FGF12: variants seen among roughly 807,000 people sequenced by gnomAD.
FGF12 encodes fibroblast growth factor 12.
In FGF12, 14 loss-of-function variants were observed where a neutral mutation model predicts 23.6. The observed-to-expected ratio is 0.59, with a 90% CI of 0.39 to 0.93. The LOEUF is 0.93. Among genes scored for constraint, FGF12 ranks in the 40% least tolerant of loss-of-function variants. The probability of loss-of-function intolerance (pLI) is 0.00; values close to 1 mark genes in which losing one functional copy is unlikely to be tolerated. For missense variants in FGF12, 175 were observed against 217.8 expected (o/e 0.80, Z 1.24); for synonymous variants, 62 against 77.3 (o/e 0.80, Z 1.04).
chr3:192,686,400 T>C (rs971201149), intron 2 of FGF12, among the ~76,000 whole-genome samples: 1 of 152,076 alleles, frequency 6.6e-6, no homozygotes, highest in Non-Finnish European at 1.5e-5. Flanking sequence ...CTGAAGTCAA[T>C]GGAAGACATC....
chr3:192,645,340 T>C (rs562519009), intron 2 of FGF12, among the ~76,000 whole-genome samples: 1 of 152,216 alleles, frequency 6.6e-6, no homozygotes, highest in South Asian at 2.1e-4. Flanking sequence ...ATGGTGGAAA[T>C]AAAAACATAT....
At chr3:192,295,993 C>T (rs1715007576) in intron 4 of FGF12, among the ~76,000 whole-genome samples, 1 of 151,486 alleles carries the variant, frequency 6.6e-6, no homozygotes, top group South Asian at 2.1e-4. Flanking sequence ...GCGATCCTCC[C>T]ACCTCAGCCT....
intron 4 of FGF12, among the ~76,000 whole-genome samples, chr3:192,195,384 G>T (rs1717013311): frequency 6.6e-6 from 1 of 152,108 alleles, no homozygotes; most frequent in African/African-American, 2.4e-5. Context: ...AAACATTTAG[G>T]TCAAAAACAG....
At chr3:192,355,427 A>T (rs1718426178) in intron 3 of FGF12, among the ~76,000 whole-genome samples, 1 of 152,214 alleles carries the variant, frequency 6.6e-6, no homozygotes, top group South Asian at 2.1e-4. Context: ...TATCAGGAAA[A>T]TATCAAGAAT....
chr3:192,372,809 C>T (rs950663460), intron 2 of FGF12, among the ~76,000 whole-genome samples: 4 of 152,172 alleles, frequency 2.6e-5, no homozygotes, highest in African/African-American at 4.8e-5. Context: ...TACAAGAAAA[C>T]GTCAGACCCT....
chr3:192,430,509 T>C (rs1721831161), intron 2 of FGF12, among the ~76,000 whole-genome samples: 1 of 152,212 alleles, frequency 6.6e-6, no homozygotes, highest in African/African-American at 2.4e-5. Context: ...TTATCTGTTT[T>C]ATCTCAATGA....
intron 2 of FGF12, among the ~76,000 whole-genome samples, chr3:192,417,822 T>G (rs1374365861): frequency 6.6e-6 from 1 of 151,996 alleles, no homozygotes; most frequent in East Asian, 1.9e-4. Context: ...AAGGGAAAGG[T>G]TATGCCCTAA....
chr3:192,560,278 A>G (rs1033219617), intron 2 of FGF12, among the ~76,000 whole-genome samples: 2 of 152,080 alleles, frequency 1.3e-5, no homozygotes, highest in Non-Finnish European at 2.9e-5. Flanking sequence ...GAAAAAAATT[A>G]AAATCAATAA....
At chr3:192,192,467 AATAAATATATAAT>A (rs1716842986) in intron 4 of FGF12, among the ~76,000 whole-genome samples, 1 of 148,022 alleles carries the variant, frequency 6.8e-6, no homozygotes, top group Admixed American at 6.8e-5. Flanking sequence ...TATTACATAT[AATAAATATATAAT>A]ATAAATATAT....
At chr3:192,662,206 C>A (rs943609591) in intron 2 of FGF12, among the ~76,000 whole-genome samples, 4 of 152,216 alleles carry the variant, frequency 2.6e-5, no homozygotes, top group African/African-American at 9.6e-5. Flanking sequence ...AAGAGAGTCA[C>A]AGTTAACTTT....
chr3:192,327,343 C>T (rs1215648432), intron 4 of FGF12, among the ~76,000 whole-genome samples: 2 of 152,042 alleles, frequency 1.3e-5, no homozygotes, highest in Non-Finnish European at 2.9e-5. Flanking sequence ...AGAATATAGA[C>T]TGACTAAAAT....
chr3:192,187,219 A>C (rs1716519207), intron 4 of FGF12, among the ~76,000 whole-genome samples: 1 of 152,192 alleles, frequency 6.6e-6, no homozygotes, highest in African/African-American at 2.4e-5. Flanking sequence ...GAGCAGAACA[A>C]TATGTGAAGG....
chr3:192,641,848 C>A (rs1715819810), intron 2 of FGF12, among the ~76,000 whole-genome samples: 1 of 152,228 alleles, frequency 6.6e-6, no homozygotes, highest in African/African-American at 2.4e-5. Flanking sequence ...TCTACAGCAG[C>A]CTTCATGCTA....
chr3:192,189,009 G>A (rs983718454), intron 4 of FGF12, among the ~76,000 whole-genome samples: 14 of 152,184 alleles, frequency 9.2e-5, no homozygotes, highest in African/African-American at 3.1e-4. Flanking sequence ...ACGTGACCCA[G>A]GCTCCCCTCC....
At chr3:192,212,604 G>A (rs748855798) in intron 4 of FGF12, among the ~76,000 whole-genome samples, 1 of 152,026 alleles carries the variant, frequency 6.6e-6, no homozygotes, top group African/African-American at 2.4e-5. Flanking sequence ...TCAAAATGAA[G>A]GTTTCTGCTA....
intron 2 of FGF12, among the ~76,000 whole-genome samples, chr3:192,415,074 T>C (rs1170127804): frequency 6.6e-6 from 1 of 152,140 alleles, no homozygotes; most frequent in Non-Finnish European, 1.5e-5. Flanking sequence ...GTAAAGAAGC[T>C]TATAAGGGGA....
chr3:192,678,228 A>G (rs1157031520), intron 2 of FGF12, among the ~76,000 whole-genome samples: 1 of 152,152 alleles, frequency 6.6e-6, no homozygotes, highest in African/African-American at 2.4e-5. Flanking sequence ...TACTATTCCC[A>G]CCTCACAGGT....
chr3:192,674,254 C>T (rs1717240190), intron 2 of FGF12, among the ~76,000 whole-genome samples: 1 of 152,186 alleles, frequency 6.6e-6, no homozygotes, highest in Non-Finnish European at 1.5e-5. Context: ...AGTACTGATG[C>T]CAAAGTCTGG....
intron 2 of FGF12, among the ~76,000 whole-genome samples, chr3:192,433,346 G>T (rs1374461214): frequency 6.6e-6 from 1 of 152,096 alleles, no homozygotes; most frequent in African/African-American, 2.4e-5. Flanking sequence ...GTTTTGTGTG[G>T]CCTGAAGCTT....
Sources: gnomAD v4.1 joint callset for allele counts (sites outside exome capture counted in the v4.1 genomes callset) on GRCh38, gnomAD v4.1.1 for gene constraint, MANE v1.5 for transcripts, NCBI Gene and HGNC (gene_info 2026-07-23, HGNC 2026-07-21) for gene names.